The following ELF2 variants were observed in gnomAD, a reference collection of about 807,000 sequenced individuals.
ELF2 encodes ETS-related transcription factor Elf-2.
In ELF2, 11 loss-of-function variants were observed where a neutral mutation model predicts 54.8. The ratio of observed to expected loss-of-function variants is 0.20; its 90% CI spans 0.13 to 0.33. ELF2 has a LOEUF of 0.33. ELF2 is among the 10% of genes least tolerant of loss of function. The pLI is 1.00. For synonymous variants in ELF2, 203 were observed against 245.1 expected, an observed-to-expected ratio of 0.83 and a Z score of 1.61; for missense variants, 513 against 703.0, an observed-to-expected ratio of 0.73 and a Z score of 3.06.
chr4:139,172,942 G>A (rs1742470974), intron 1 of ELF2, among the ~76,000 whole-genome samples: 1 of 116,124 alleles, frequency 8.6e-6, no homozygotes. Context: ...CTATTCCAAA[G>A]TAAAAAGGGA....
intron 4 of ELF2, among the ~76,000 whole-genome samples, chr4:139,108,323 C>A (rs1403793633): frequency 6.6e-6 from 1 of 152,072 alleles, no homozygotes. Flanking sequence ...TAAGTGGCTT[C>A]CTCAAGGTTA....
intron 4 of ELF2, among the ~76,000 whole-genome samples, chr4:139,083,549 G>A (rs1261484349): frequency 6.6e-6 from 1 of 152,194 alleles, no homozygotes; most frequent in African/African-American, 2.4e-5. Flanking sequence ...GGGAGGGTCA[G>A]AGCATTTTTT....
At chr4:139,113,952 C>G (rs2148814101) in intron 4 of ELF2, among the ~76,000 whole-genome samples, 1 of 152,090 alleles carries the variant, frequency 6.6e-6, no homozygotes, top group South Asian at 2.1e-4. Flanking sequence ...ACTATTTTCT[C>G]CTTCACATAA....
intron 1 of ELF2, among the ~76,000 whole-genome samples, chr4:139,170,553 C>CG (rs1560894481): frequency 2.0e-5 from 3 of 151,038 alleles, no homozygotes; most frequent in African/African-American, 7.3e-5. Flanking sequence ...TGAGCCACCA[C>CG]GCCCAGCCAC....
rs193021153 is a variant in ELF2, at chr4:139,074,493, G to A, written c.239-926C>T. On this transcript the variant is annotated intron_variant, in intron 4 of 9. Coordinates refer to ENST00000686138, the MANE Select transcript of ELF2 (RefSeq NM_001331036.3). ...TGAAAATATTGCAGGGGGGCCGGGTGTGGTGGCTCACACCTGTAAGCACTT... is the reference window on the plus strand; with the variant it reads ...TGAAAATATTGCAGGGGGGCCGGGTATGGTGGCTCACACCTGTAAGCACTT... 3.5e-3 allele frequency among the ~76,000 whole-genome samples: 537 copies of A among 152,286 alleles called. 4 individuals carry two copies. The highest frequency in any genetic ancestry group is 0.012 in the African/African-American group (499 of 41,556).
At chr4:139,140,937 C>T (rs907749130) in intron 1 of ELF2, among the ~76,000 whole-genome samples, 2 of 152,134 alleles carry the variant, frequency 1.3e-5, no homozygotes, top group African/African-American at 4.8e-5. Flanking sequence ...TCCATCCCCA[C>T]TCAACTGAAA....
Position 139,125,345 on chromosome 4 carries a change from T to C in ELF2, c.73-16A>G, listed in dbSNP as rs770283833. ...TTTCACTTTCCTATAAGAGCAAATT[T>C]AAAGAACAATCAACCTTTGTATTTA... On this transcript the variant is annotated splice_polypyrimidine_tract_variant and intron_variant, in intron 3 of 9. Coordinates refer to ENST00000686138, the MANE Select transcript of ELF2 (RefSeq NM_001331036.3). 95 of 1,602,774 alleles carry C rather than the reference T, an allele frequency of 5.9e-5. No homozygotes were observed. Among genetic ancestry groups the C allele is most frequent in the Non-Finnish European group, 7.5e-5 (88 of 1,177,510 alleles).
chr4:139,134,213 T>C (rs941472209), intron 3 of ELF2, among the ~76,000 whole-genome samples: 6 of 152,186 alleles, frequency 3.9e-5, no homozygotes, highest in Admixed American at 2.6e-4. Context: ...ACTGCTGATA[T>C]AATCACCTAA....
chr4:139,091,482 T>C (rs1232942391), intron 4 of ELF2, among the ~76,000 whole-genome samples: 1 of 151,926 alleles, frequency 6.6e-6, no homozygotes, highest in African/African-American at 2.4e-5. Context: ...AAAAATGAAA[T>C]AGAAAATAGT....
chr4:139,172,463 C>T (rs549702468), intron 1 of ELF2, among the ~76,000 whole-genome samples: 3 of 152,166 alleles, frequency 2.0e-5, no homozygotes, highest in Non-Finnish European at 4.4e-5. Flanking sequence ...ACACTACCTG[C>T]TCATTAGTCA....
chr4:139,087,844 AACG>A (rs1468567535), intron 4 of ELF2, among the ~76,000 whole-genome samples: 1 of 152,208 alleles, frequency 6.6e-6, no homozygotes, highest in Non-Finnish European at 1.5e-5. Context: ...CTATAGTTTA[AACG>A]ACATTTATGA....
At chr4:139,109,946 T>A (rs1250913203) in intron 4 of ELF2, among the ~76,000 whole-genome samples, 1 of 152,176 alleles carries the variant, frequency 6.6e-6, no homozygotes, top group East Asian at 1.9e-4. Flanking sequence ...TGCAGTATAC[T>A]CTCGTAACAA....
At chr4:139,084,454 G>C (rs1173320479) in intron 4 of ELF2, 1 of 1,149,578 alleles carries the variant, frequency 8.7e-7, no homozygotes, top group East Asian at 4.4e-5. Flanking sequence ...CGGCGGCGGC[G>C]GCGGCGGCTG....
At chr4:139,144,180 G>A (rs1036770712) in intron 1 of ELF2, among the ~76,000 whole-genome samples, 94 of 152,152 alleles carry the variant, frequency 6.2e-4, no homozygotes, top group African/African-American at 2.2e-3. Flanking sequence ...CCCAGAGTGT[G>A]AGAGGGAGAG....
Position 139,114,569 on chromosome 4 carries a change from A to AGT in ELF2, c.238+10594_238+10595insAC, listed in dbSNP as rs1560826227. 4.5e-3 allele frequency among the ~76,000 whole-genome samples: 481 copies of AGT among 107,414 alleles called. 2 individuals are homozygous for AGT. The highest frequency in any genetic ancestry group is 0.012 in the African/African-American group (379 of 32,564). The allele number at this position is 107,414 out of a possible 152,430, so 70.5% of individuals were successfully genotyped here. A position where few individuals can be genotyped will look rare whatever the true frequency, so the allele number is the denominator to read the frequency against. On this transcript the variant is annotated intron_variant, in intron 4 of 9. Coordinates refer to ENST00000686138, the MANE Select transcript of ELF2 (RefSeq NM_001331036.3). The stretch of plus-strand genomic sequence containing the variant: ...AGAGCGAGACTTCAGTCTCACACAC[A>AGT]CACACACACACACACACACACACAC...
At chr4:139,087,197 T>C (rs1732069159) in intron 4 of ELF2, among the ~76,000 whole-genome samples, 1 of 152,246 alleles carries the variant, frequency 6.6e-6, no homozygotes, top group Non-Finnish European at 1.5e-5. Context: ...TGATTTATAC[T>C]AGACAAACCA....
intron 3 of ELF2, among the ~76,000 whole-genome samples, chr4:139,133,218 G>C (rs1485098462): frequency 6.6e-6 from 1 of 152,158 alleles, no homozygotes; most frequent in African/African-American, 2.4e-5. Flanking sequence ...ACCACGCCCA[G>C]CCTACATTCT....
At chr4:139,120,612 A>AT (rs1295617524) in intron 4 of ELF2, among the ~76,000 whole-genome samples, 2 of 136,082 alleles carry the variant, frequency 1.5e-5, no homozygotes, top group South Asian at 2.5e-4. Context: ...CTAATTTTTA[A>AT]ATTTTTTTTT....
At chr4:139,117,913 C>A in intron 4 of ELF2, 1 of 162,790 alleles carries the variant, frequency 6.1e-6, no homozygotes, top group South Asian at 1.6e-4. Flanking sequence ...GAGATCACAC[C>A]ACCGCACTCC....
Sources: allele counts gnomAD v4.1 joint callset (sites outside exome capture counted in the v4.1 genomes callset), GRCh38; gene constraint gnomAD v4.1.1; transcripts MANE v1.5; gene names NCBI Gene and HGNC (gene_info 2026-07-23, HGNC 2026-07-21).